The following SCN3A variants were observed in gnomAD, a reference collection of about 807,000 sequenced individuals.
The protein encoded by SCN3A is sodium voltage-gated channel alpha subunit 3, also known as sodium channel protein type 3 subunit alpha.
Under a neutral mutation model 187.6 loss-of-function variants are expected in SCN3A, and 60 were observed. The observed-to-expected ratio is 0.32, with a 90% confidence interval of 0.26 to 0.40. SCN3A has a LOEUF of 0.40. SCN3A is among the 10% of genes least tolerant of loss of function. The probability of loss-of-function intolerance (pLI) is 1.00; values close to 1 mark genes in which losing one functional copy is unlikely to be tolerated. For missense variants in SCN3A, 1,601 were observed against 2,428.2 expected (o/e 0.66, Z 7.16); for synonymous variants, 788 against 829.2 (o/e 0.95, Z 0.85).
chr2:165,146,617 A>G, intron 12 of SCN3A, 122 bp downstream of exon 12: 1 of 951,854 alleles, frequency 1.1e-6, no homozygotes. Flanking sequence ...CAACTATATT[A>G]AATGTTAGTT....
intron 2 of SCN3A, 93 bp from the exon 3 acceptor site, chr2:165,176,537 A>C: frequency 2.1e-6 from 2 of 957,206 alleles, no homozygotes; most frequent in Non-Finnish European, 3.2e-6. Context: ...TAACTTTTTA[A>C]AGCTATAAAC....
At chr2:165,119,202 G>A (rs185605013) in intron 18 of SCN3A, among the ~76,000 whole-genome samples, 113 of 152,212 alleles carry the variant, frequency 7.4e-4, no homozygotes, top group African/African-American at 2.7e-3. Context: ...CACTGCATCT[G>A]GCCAATTTAA....
chr2:165,098,430 C>T (rs1291182989), intron 22 of SCN3A, among the ~76,000 whole-genome samples: 1 of 152,050 alleles, frequency 6.6e-6, no homozygotes, highest in African/African-American at 2.4e-5. Flanking sequence ...ACATCAAAAC[C>T]AGAAATCCAA....
At chr2:165,182,179 T>A (rs890900368) in intron 2 of SCN3A, among the ~76,000 whole-genome samples, 4 of 151,156 alleles carry the variant, frequency 2.6e-5, no homozygotes, top group African/African-American at 9.7e-5. Flanking sequence ...GCCCCAGGAA[T>A]CCCCAGTTGT....
intron 27 of SCN3A, chr2:165,091,727 G>T: frequency 3.6e-6 from 1 of 277,576 alleles, no homozygotes. Context: ...AGAGAGAAAT[G>T]GGCCATATTT....
chr2:165,119,197 C>T (rs193150390), intron 18 of SCN3A, among the ~76,000 whole-genome samples: 1 of 152,318 alleles, frequency 6.6e-6, no homozygotes, highest in East Asian at 1.9e-4. Context: ...TGAGCCACTG[C>T]ATCTGGCCAA....
In SCN3A at chr2:165,115,620, A is replaced by G. The variant is rs1686334453; in HGVS notation, c.3394-45T>C. The stretch of plus-strand genomic sequence containing the variant: ...TCAAAGATGTGATTTTCCCCCTTTT[A>G]TTTAACTAACTGGGAAATACTGTGT... On this transcript the variant is annotated intron_variant, in intron 18 of 27. Coordinates refer to ENST00000283254, the MANE Select transcript of SCN3A (RefSeq NM_006922.4). The G allele has an allele frequency of 3.8e-6, 6 of 1,595,242 alleles. No homozygotes were observed. The East Asian group carries it at 1.3e-4, about 36-fold the overall frequency.
intron 1 of SCN3A, among the ~76,000 whole-genome samples, chr2:165,199,463 T>G (rs1692183863): frequency 6.6e-6 from 1 of 152,006 alleles, no homozygotes; most frequent in African/African-American, 2.4e-5. Flanking sequence ...GTAAACTTGC[T>G]TGCAAGTTAC....
At chr2:165,165,403 C>T (rs1689693970) in intron 5 of SCN3A, among the ~76,000 whole-genome samples, 2 of 152,110 alleles carry the variant, frequency 1.3e-5, no homozygotes. Flanking sequence ...TAAATCAAAC[C>T]TTGCATCAGC....
rs376381280 is a variant in SCN3A at position 165,146,802 on chromosome 2, G to A, written c.1608C>T (p.Ser536=). The A allele has an allele frequency of 7.4e-6, 12 of 1,613,962 alleles. No homozygotes were observed. The African/African-American group carries it at 1.2e-4, about 16-fold the overall frequency. Residue 536 remains serine (S), a synonymous_variant, in exon 12 of 28, where the codon AGC becomes AGT. Transcript: ENST00000283254. ...SESEDSVKRS[S]FLFSMDGNRL... is the part of the protein sequence containing the mutation. ...TGTTTCCATCCATGGAGAAAAGGAA[G>A]CTGCTTCTTTTGACGCTGTCTTCAG...
intron 23 of SCN3A, among the ~76,000 whole-genome samples, chr2:165,096,842 G>C (rs775244012): frequency 1.3e-5 from 2 of 152,066 alleles, no homozygotes; most frequent in Non-Finnish European, 2.9e-5. Context: ...TTGACACATA[G>C]TAGAATCATA....
chr2:165,094,402 T>G lies in SCN3A; in HGVS notation c.4508A>C (p.Lys1503Thr), dbSNP rs780291005. Residue 1503 changes from lysine to threonine, a missense_variant, in exon 26 of 28, where the codon AAA (lysine) becomes ACA (threonine). Physicochemically the swap from Lys to Thr is moderately conservative, Grantham distance 78. This residue lies in a region of SCN3A where 320 missense variants were observed against 623.2 expected (regional missense o/e 0.51). Transcript: ENST00000283254. Reference sequence around the variant, plus strand: ...TGGGCGAGGTATGGGTTTCTGAGGTTTCTTGGATCCAAGTTTCTTCATTGC... The same window carrying G: ...TGGGCGAGGTATGGGTTTCTGAGGTGTCTTGGATCCAAGTTTCTTCATTGC... The part of the protein sequence containing the change: ...YNAMKKLGSK[K>T]PQKPIPRPAN... 6.2e-7 allele frequency: 1 copy of G among 1,613,800 alleles called. No individual in the cohort carries two copies. Among genetic ancestry groups the G allele is most frequent in the Non-Finnish European group, 8.5e-7 (1 of 1,179,748 alleles).
intron 2 of SCN3A, among the ~76,000 whole-genome samples, chr2:165,185,908 A>C (rs1041568518): frequency 6.6e-6 from 1 of 152,172 alleles, no homozygotes; most frequent in Non-Finnish European, 1.5e-5. Flanking sequence ...AATAAAATTT[A>C]AAGTAAATAC....
rs1684950912 is a variant in SCN3A at position 165,088,836 on chromosome 2, T to A, written c.*1314A>T. On this transcript the variant is annotated 3_prime_UTR_variant, in exon 28 of 28. Transcript: ENST00000283254. ...AAATATGAAGAATAGGTTTTGTCAG[T>A]AGGCAGTATCCAGTGTGTTTCCTTG... The A allele has an allele frequency of 1.3e-5, 2 of 152,700 alleles. No individual in the cohort carries two copies. Among genetic ancestry groups the A allele is most frequent in the Admixed American group, 6.5e-5 (1 of 15,300 alleles). The allele number at this position is 152,700 out of a possible 1,614,324, so 9.5% of individuals were successfully genotyped here. A position where few individuals can be genotyped will look rare whatever the true frequency, so the allele number is the denominator to read the frequency against.
At chr2:165,104,292 A>G (rs1685745316) in intron 21 of SCN3A, among the ~76,000 whole-genome samples, 1 of 152,042 alleles carries the variant, frequency 6.6e-6, no homozygotes, top group South Asian at 2.1e-4. Flanking sequence ...TTAGCAGACA[A>G]AGAATGAATG....
At position 165,188,697 on chromosome 2, in the gene SCN3A, C is replaced by T. The variant is rs916556080; in HGVS notation, c.-247-1950G>A. On this transcript the variant is annotated intron_variant, in intron 1 of 27. Transcript: ENST00000283254. Reference sequence around the variant, plus strand: ...CAGGTACAGGTACTCAGGAGGCTGACGCACAGGAGAAGTGCTTGAACCTGG... The same window carrying T: ...CAGGTACAGGTACTCAGGAGGCTGATGCACAGGAGAAGTGCTTGAACCTGG... 3.3e-5 allele frequency among the ~76,000 whole-genome samples: 5 copies of T among 150,578 alleles called. No individual in the cohort carries two copies. The South Asian group carries it at 6.3e-4, about 19-fold the overall frequency.
intron 23 of SCN3A, 141 bp from the exon 24 acceptor site, chr2:165,096,661 T>G: frequency 1.7e-6 from 1 of 591,528 alleles, no homozygotes; most frequent in Non-Finnish European, 3.0e-6. Flanking sequence ...TGAAATAAAA[T>G]TGAAATAGAA....
rs1372041273 is a variant in SCN3A at position 165,092,699 on chromosome 2, T to C, written c.4537-175A>G. 1 of 628,910 alleles carries C rather than the reference T, an allele frequency of 1.6e-6. No individual in the cohort carries two copies. The highest frequency in any genetic ancestry group is 2.7e-6 in the Non-Finnish European group (1 of 366,096). The allele number at this position is 628,910 out of a possible 1,614,324, so 39.0% of individuals were successfully genotyped here. ...CATGTTAAAAAAAATGGAAAAAAAA[T>C]TTATATAGCTAAACAAAGCATATTT... On this transcript the variant is annotated intron_variant, in intron 26 of 27. Coordinates refer to ENST00000283254, the MANE Select transcript of SCN3A (RefSeq NM_006922.4). The surrounding 1 kb of genome is among the most constrained non-coding windows in gnomAD (Gnocchi z 4.2).
chr2:165,144,111 T>C (rs940693146), intron 12 of SCN3A, among the ~76,000 whole-genome samples: 10 of 152,174 alleles, frequency 6.6e-5, no homozygotes, highest in Admixed American at 2.6e-4. Flanking sequence ...TTTCAGAAGA[T>C]ACATTTGATT....
Sources: gnomAD v4.1 joint callset for allele counts (sites outside exome capture counted in the v4.1 genomes callset) on GRCh38, gnomAD v4.1.1 for gene constraint, gnomAD v4.1.1 regional missense constraint, Gnocchi (gnomAD v3.1) non-coding constraint, MANE v1.5 for transcripts, NCBI Gene and HGNC (gene_info 2026-07-23, HGNC 2026-07-21) for gene names.